CTIF: variants seen among roughly 807,000 people sequenced by gnomAD.
The protein encoded by CTIF is cap binding complex dependent translation initiation factor.
CTIF carries 21 observed loss-of-function variants against 66.0 expected under a neutral mutation model. The ratio of observed to expected loss-of-function variants is 0.32; its 90% CI spans 0.23 to 0.46. The LOEUF (loss-of-function observed/expected upper bound fraction) is 0.46, where lower values mean the gene tolerates loss of function less well. Among genes scored for constraint, CTIF ranks in the 20% least tolerant of loss-of-function variants. CTIF has a pLI of 1.00. For missense variants in CTIF, 739 were observed against 812.7 expected (o/e 0.91, Z 1.10); for synonymous variants, 345 against 326.4 (o/e 1.06, Z -0.62).
intron 7 of CTIF, among the ~76,000 whole-genome samples, chr18:48,741,493 G>A (rs34267953): frequency 2.1e-5 from 3 of 142,836 alleles, no homozygotes; most frequent in African/African-American, 5.3e-5. Context: ...TTGCAGTCTC[G>A]GCTCACTGCA....
chr18:48,681,123 T>C (rs2091733955), intron 6 of CTIF, among the ~76,000 whole-genome samples: 1 of 152,220 alleles, frequency 6.6e-6, no homozygotes, highest in Admixed American at 6.5e-5. Flanking sequence ...GAAGCTTTCC[T>C]CTGGCCCAAG....
intron 3 of CTIF, among the ~76,000 whole-genome samples, chr18:48,658,268 GTA>G (rs954429016): frequency 1.3e-5 from 2 of 152,002 alleles, no homozygotes; most frequent in African/African-American, 4.8e-5. Context: ...TATGTGTCTT[GTA>G]TGTATATGTG....
chr18:48,554,754 T>A (rs2088975042), intron 1 of CTIF, among the ~76,000 whole-genome samples: 1 of 152,252 alleles, frequency 6.6e-6, no homozygotes. Flanking sequence ...AATGACTTAA[T>A]CACAGATCTG....
intron 1 of CTIF, among the ~76,000 whole-genome samples, chr18:48,614,881 T>TTG (rs2090369724): frequency 6.6e-6 from 1 of 151,162 alleles, no homozygotes; most frequent in African/African-American, 2.4e-5. Flanking sequence ...GGTTGTTTTT[T>TTG]TTGTTGTTGT....
intron 7 of CTIF, among the ~76,000 whole-genome samples, chr18:48,731,511 A>C (rs915047128): frequency 6.6e-5 from 10 of 152,182 alleles, no homozygotes; most frequent in African/African-American, 2.2e-4. Flanking sequence ...AGAACTGCAC[A>C]AACCACATCT....
chr18:48,856,965 G>A lies in CTIF; in HGVS notation c.1528-623G>A, dbSNP rs1039733715. Among the ~76,000 whole-genome samples the A allele has an allele frequency of 7.2e-5, 11 of 152,210 alleles. No homozygotes were observed. In the East Asian group the frequency reaches 7.7e-4, roughly 11 times the overall value. On this transcript the variant is annotated intron_variant, in intron 10 of 11. Coordinates refer to ENST00000256413, the MANE Select transcript of CTIF (RefSeq NM_014772.3). ...ATTGAGAGAATGAGCCAGGCAAGTC[G>A]GGGGAAGCATGGACTGTAGCACGGC... is the stretch of plus-strand genomic sequence containing the variant.
At position 48,619,658 on chromosome 18, in the gene CTIF, C is replaced by A; in HGVS notation, c.93C>A (p.Tyr31Ter). Residue 31 changes from tyrosine to a stop codon, truncating the protein, a stop_gained, in exon 2 of 12, where the codon TAC becomes TAA. Transcript: ENST00000256413. LOFTEE classifies it high-confidence loss of function. ...IEELERFIDSYVLEYQVQGLL... is the reference protein window; with the variant it reads ...IEELERFIDS ...AGCTGGAGCGCTTCATCGACAGCTACGTGCTGGAGTACCAGGTGCAGGGGC... is the reference window on the plus strand; with the variant it reads ...AGCTGGAGCGCTTCATCGACAGCTAAGTGCTGGAGTACCAGGTGCAGGGGC... The A allele has an allele frequency of 6.2e-7, 1 of 1,607,016 alleles. No individual in the cohort carries two copies. Among genetic ancestry groups the A allele is most frequent in the Non-Finnish European group, 8.5e-7 (1 of 1,176,992 alleles).
chr18:48,681,365 C>T (rs539403305), intron 6 of CTIF, among the ~76,000 whole-genome samples: 11 of 152,288 alleles, frequency 7.2e-5, no homozygotes, highest in South Asian at 2.1e-4. Flanking sequence ...AGTGAGTGGC[C>T]ATTGGGTCCC....
At chr18:48,592,369 T>C (rs907048300) in intron 1 of CTIF, among the ~76,000 whole-genome samples, 13 of 151,922 alleles carry the variant, frequency 8.6e-5, no homozygotes, top group Non-Finnish European at 1.0e-4. Context: ...TGGTGGCGCA[T>C]GCCTGTAATC....
At chr18:48,810,754 A>G (rs897586342) in intron 9 of CTIF, among the ~76,000 whole-genome samples, 2 of 150,624 alleles carry the variant, frequency 1.3e-5, no homozygotes, top group Admixed American at 6.6e-5. Flanking sequence ...CTTCAGGTAT[A>G]TTCAAATCTA....
chr18:48,735,290 G>A (rs1015904386), intron 7 of CTIF, among the ~76,000 whole-genome samples: 3 of 152,176 alleles, frequency 2.0e-5, no homozygotes, highest in African/African-American at 7.2e-5. Context: ...AGAGACAAAG[G>A]CCCAGAGGTA....
At chr18:48,571,345 T>TG (rs1306513647) in intron 1 of CTIF, among the ~76,000 whole-genome samples, 1 of 152,094 alleles carries the variant, frequency 6.6e-6, no homozygotes, top group Non-Finnish European at 1.5e-5. Context: ...TTGGTAGAGA[T>TG]GGGGGTTTCA....
intron 6 of CTIF, among the ~76,000 whole-genome samples, chr18:48,673,332 A>T (rs2091567120): frequency 6.6e-6 from 1 of 152,012 alleles, no homozygotes; most frequent in Non-Finnish European, 1.5e-5. Flanking sequence ...CTTGACACTC[A>T]GTCGTCCCTC....
At chr18:48,602,509 T>C (rs2090108525) in intron 1 of CTIF, among the ~76,000 whole-genome samples, 1 of 152,234 alleles carries the variant, frequency 6.6e-6, no homozygotes, top group Non-Finnish European at 1.5e-5. Flanking sequence ...CTGTGGTTCA[T>C]AAAATAATGG....
chr18:48,553,603 C>T (rs926538963), intron 1 of CTIF, among the ~76,000 whole-genome samples: 24 of 151,870 alleles, frequency 1.6e-4, no homozygotes, highest in African/African-American at 5.8e-4. Context: ...ATGTATCTGT[C>T]GTAGATTTTA....
intron 10 of CTIF, among the ~76,000 whole-genome samples, chr18:48,842,100 G>A (rs72915618): frequency 0.07 from 10,685 of 152,218 alleles, 472 homozygotes; most frequent in South Asian, 0.23. Flanking sequence ...TGGAGAGACG[G>A]GGACGTTCAA....
intron 1 of CTIF, among the ~76,000 whole-genome samples, chr18:48,611,758 C>T (rs2090311941): frequency 2.0e-5 from 3 of 152,270 alleles, no homozygotes; most frequent in East Asian, 3.9e-4. Context: ...AACAAAAGTC[C>T]CACAAATTGA....
chr18:48,751,939 TTTA>T (rs1421798111), intron 7 of CTIF, among the ~76,000 whole-genome samples: 3 of 118,048 alleles, frequency 2.5e-5, no homozygotes, highest in African/African-American at 6.8e-5. Context: ...CTCTGCATCA[TTTA>T]TTATTCATTC....
intron 10 of CTIF, among the ~76,000 whole-genome samples, chr18:48,850,903 C>T (rs2069185177): frequency 6.6e-6 from 1 of 152,236 alleles, no homozygotes; most frequent in South Asian, 2.1e-4. Flanking sequence ...TGGTCTGCAG[C>T]CACCAAGGCC....
Sources: gnomAD v4.1 joint callset for allele counts (sites outside exome capture counted in the v4.1 genomes callset) on GRCh38, gnomAD v4.1.1 for gene constraint, MANE v1.5 for transcripts, NCBI Gene and HGNC (gene_info 2026-07-23, HGNC 2026-07-21) for gene names.